Variants in LRRIQ1 observed in about 807,000 individuals in gnomAD.
The protein encoded by LRRIQ1 is leucine rich repeats and IQ motif containing 1.
Under a neutral mutation model 211.9 loss-of-function variants are expected in LRRIQ1, and 210 were observed. The observed-to-expected ratio is 0.99, with a 90% CI of 0.89 to 1.11. The LOEUF (loss-of-function observed/expected upper bound fraction) is 1.11. LRRIQ1 is among the 50% of genes most tolerant of loss of function. LRRIQ1 has a pLI of 0.00. For missense variants in LRRIQ1, 2,136 were observed against 1,939.5 expected (o/e 1.10, Z -1.90); for synonymous variants, 699 against 650.1 (o/e 1.08, Z -1.14).
intron 14 of LRRIQ1, among the ~76,000 whole-genome samples, chr12:85,105,248 T>C (rs1448454143): frequency 6.6e-6 from 1 of 152,086 alleles, no homozygotes; most frequent in Non-Finnish European, 1.5e-5. Flanking sequence ...TGTGTCCTTT[T>C]ATAATAAAAT....
Position 85,038,292 on chromosome 12 carries a change from G to A in LRRIQ1, c.116G>A (p.Ser39Asn). The change falls in exon 2 of 27, where the codon AGT becomes AAT. Residue 39 changes from serine (S) to asparagine (N), a missense_variant. Ser to Asn is a conservative substitution (Grantham distance 46). Transcript: ENST00000393217. Reference sequence around the variant, plus strand: ...AGTGATGCAAAATCAGAAACCCAGAGTGATGATAGTGATACAGTGAGTATT... The same window carrying A: ...AGTGATGCAAAATCAGAAACCCAGAATGATGATAGTGATACAGTGAGTATT... ...IESDAKSETQ[S>N]DDSDTDSVEL... 2 of 1,578,876 alleles carry A rather than the reference G, an allele frequency of 1.3e-6. No individual in the cohort carries two copies. Among genetic ancestry groups the A allele is most frequent in the Non-Finnish European group, 1.7e-6 (2 of 1,160,786 alleles).
rs1565791679 is a variant in LRRIQ1 at position 85,055,980 on chromosome 12, TAAG to T, written c.1188_1190del (p.Ser398del). The T allele has an allele frequency of 1.2e-5, 20 of 1,609,468 alleles. No individual in the cohort carries two copies. The highest frequency in any genetic ancestry group is 1.6e-5 in the Non-Finnish European group (19 of 1,177,938). On this transcript the variant is annotated inframe_deletion, in exon 8 of 27. Transcript: ENST00000393217. The stretch of plus-strand genomic sequence containing the variant: ...GAAGATGCAAGCCAACAGCTAATAA[TAAG>T]TAGTGCATTAAAGAAGAGCGGATAT...
At chr12:85,079,895 G>A (rs917485543) in intron 11 of LRRIQ1, among the ~76,000 whole-genome samples, 4 of 151,710 alleles carry the variant, frequency 2.6e-5, no homozygotes, top group Non-Finnish European at 5.9e-5. Flanking sequence ...TATACCAATG[G>A]TAGTATTATT....
Position 85,038,249 on chromosome 12 carries a change from GA to G in LRRIQ1, c.78del (p.Glu27LysfsTer34). The G allele has an allele frequency of 1.3e-6, 2 of 1,587,220 alleles. No homozygotes were observed. The highest frequency in any genetic ancestry group is 1.7e-5 in the Admixed American group (1 of 57,292). The stretch of plus-strand genomic sequence containing the variant: ...GGATAAACTCAGCATTTCCTCCTTG[GA>G]AAAAGAAGACATTGAGAGTGATGCA... ...ELDKLSISSLEKEDIESDAKS... is the reference protein window; with the variant it reads ...ELDKLSISSLXKEDIESDAKS... On this transcript the variant is annotated frameshift_variant, in exon 2 of 27. Transcript: ENST00000393217. LOFTEE classifies it high-confidence loss of function.
At chr12:85,132,791 A>C (rs1440113016) in intron 18 of LRRIQ1, among the ~76,000 whole-genome samples, 2 of 151,782 alleles carry the variant, frequency 1.3e-5, no homozygotes, top group Non-Finnish European at 1.5e-5. Flanking sequence ...AAATAAAATA[A>C]AATAGAAATA....
intron 13 of LRRIQ1, among the ~76,000 whole-genome samples, chr12:85,102,959 A>AAAAATATATATATAT (rs1458673370): frequency 7.4e-5 from 8 of 108,464 alleles, no homozygotes; most frequent in African/African-American, 2.9e-4. Flanking sequence ...AAAAAAAAAA[A>AAAAATATATATATAT]ATATATATAT....
At chr12:85,049,643 G>A (rs1880061731) in intron 6 of LRRIQ1, among the ~76,000 whole-genome samples, 1 of 152,028 alleles carries the variant, frequency 6.6e-6, no homozygotes, top group African/African-American at 2.4e-5. Context: ...TCTTTGATTG[G>A]CTTTTTAAAG....
intron 14 of LRRIQ1, among the ~76,000 whole-genome samples, chr12:85,104,662 T>G (rs145842491): frequency 3.9e-4 from 60 of 152,110 alleles, no homozygotes; most frequent in African/African-American, 1.4e-3. Flanking sequence ...AAGGGATATA[T>G]GAATATATCA....
chr12:85,271,561 A>T, the LRRIQ1 span, among the ~76,000 whole-genome samples: 85 of 152,250 alleles, frequency 5.6e-4, no homozygotes, highest in Non-Finnish European at 3.4e-4. Flanking sequence ...AATAGTTTCC[A>T]GAGCTCTTCT....
chr12:85,123,324 A>G (rs1334761062), intron 16 of LRRIQ1, among the ~76,000 whole-genome samples: 1 of 152,030 alleles, frequency 6.6e-6, no homozygotes, highest in Non-Finnish European at 1.5e-5. Context: ...TTGTGGCAAT[A>G]TATTAAATAT....
At chr12:85,191,672 T>C (rs1046609742) in intron 24 of LRRIQ1, among the ~76,000 whole-genome samples, 5 of 152,002 alleles carry the variant, frequency 3.3e-5, no homozygotes, top group African/African-American at 1.2e-4. Flanking sequence ...TCAACTTATT[T>C]AGGTAAGAGT....
intron 5 of LRRIQ1, 32 bp from the exon 6 acceptor site, chr12:85,047,215 A>G (rs1879707017): frequency 6.7e-7 from 1 of 1,484,930 alleles, no homozygotes. Context: ...TGATCTTACA[A>G]ATGATGATGT....
At chr12:85,226,730 C>T (rs559206249) in intron 24 of LRRIQ1, among the ~76,000 whole-genome samples, 7 of 132,564 alleles carry the variant, frequency 5.3e-5, no homozygotes, top group African/African-American at 2.0e-4. Context: ...CCATCTTTTC[C>T]ATGTGTTCCC....
chr12:85,105,002 G>A (rs1886666351), intron 14 of LRRIQ1, among the ~76,000 whole-genome samples: 2 of 151,994 alleles, frequency 1.3e-5, no homozygotes, highest in South Asian at 2.1e-4. Flanking sequence ...GAATAAAGAC[G>A]TTGAACTTCT....
chr12:85,096,949 G>A (rs1456333751), intron 11 of LRRIQ1, among the ~76,000 whole-genome samples: 3 of 152,164 alleles, frequency 2.0e-5, no homozygotes, highest in African/African-American at 7.2e-5. Flanking sequence ...TTGGTTTAAA[G>A]CATAGTTTAT....
chr12:85,123,835 A>G (rs575504658), intron 16 of LRRIQ1, among the ~76,000 whole-genome samples: 228 of 152,282 alleles, frequency 1.5e-3, no homozygotes, highest in African/African-American at 5.0e-3. Context: ...TGGTCCTAAA[A>G]CTTCCAGACA....
intron 15 of LRRIQ1, among the ~76,000 whole-genome samples, chr12:85,114,674 AT>A (rs1887446045): frequency 3.1e-5 from 4 of 130,366 alleles, no homozygotes; most frequent in Admixed American, 8.1e-5. Context: ...AATAAATAAT[AT>A]TTATAAGTAT....
Position 85,057,014 on chromosome 12 carries a change from AG to A in LRRIQ1, c.2223del (p.Arg742AspfsTer2). ...AACCCTTCTATATTCTATTGAAGAA[AG>A]GAGACTAGCCTGGATAAAATCATTT... ...ESTLLYSIEE[R>X]RLAWIKSFKP... On this transcript the variant is annotated frameshift_variant, in exon 8 of 27. Coordinates refer to ENST00000393217, the MANE Select transcript of LRRIQ1 (RefSeq NM_001079910.2). LOFTEE classifies it high-confidence loss of function. 5 of 1,605,764 alleles carry A rather than the reference AG, an allele frequency of 3.1e-6. No individual in the cohort carries two copies. Among genetic ancestry groups the A allele is most frequent in the Non-Finnish European group, 4.2e-6 (5 of 1,177,336 alleles).
At chr12:85,049,688 T>G (rs1880067137) in intron 6 of LRRIQ1, among the ~76,000 whole-genome samples, 1 of 152,226 alleles carries the variant, frequency 6.6e-6, no homozygotes. Context: ...GAGTGGTTAT[T>G]TATACTGTAT....
Sources: gnomAD v4.1 joint callset for allele counts (sites outside exome capture counted in the v4.1 genomes callset) on GRCh38, gnomAD v4.1.1 for gene constraint, MANE v1.5 for transcripts, NCBI Gene and HGNC (gene_info 2026-07-23, HGNC 2026-07-21) for gene names.